The following SPRED2 variants were observed in gnomAD, a reference collection of about 807,000 sequenced individuals.
The protein encoded by SPRED2 is sprouty-related, EVH1 domain-containing protein 2.
A neutral mutation model predicts 43.0 loss-of-function variants in SPRED2; 47 were observed. The ratio of observed to expected loss-of-function variants is 1.09; its 90% confidence interval spans 0.87 to 1.40. The LOEUF (loss-of-function observed/expected upper bound fraction) is 1.40, where lower values mean the gene tolerates loss of function less well. Among genes scored for constraint, SPRED2 ranks in the 40% most tolerant of loss-of-function variants. The pLI is 0.00. For missense variants in SPRED2, 561 were observed against 586.4 expected (o/e 0.96, Z 0.45); for synonymous variants, 225 against 225.7 (o/e 1.00, Z 0.03).
intron 1 of SPRED2, among the ~76,000 whole-genome samples, chr2:65,364,306 A>C (rs538718826): frequency 6.6e-6 from 1 of 152,238 alleles, no homozygotes; most frequent in African/African-American, 2.4e-5. Context: ...TCAGATTTGA[A>C]ACACTTTTAA....
At chr2:65,358,276 GT>G (rs139850676) in intron 1 of SPRED2, among the ~76,000 whole-genome samples, 2,900 of 152,262 alleles carry the variant, frequency 0.019, 83 homozygotes, top group African/African-American at 0.066. Context: ...GTTTTAATAA[GT>G]TTAATAAGAT....
chr2:65,321,093 G>A (rs1022456771), intron 4 of SPRED2, among the ~76,000 whole-genome samples: 1 of 152,126 alleles, frequency 6.6e-6, no homozygotes, highest in African/African-American at 2.4e-5. Flanking sequence ...AACTGTTAGG[G>A]CTTTGAAGAA....
chr2:65,401,957 A>G (rs1249591666), intron 1 of SPRED2, among the ~76,000 whole-genome samples: 12 of 151,398 alleles, frequency 7.9e-5, no homozygotes, highest in Admixed American at 6.6e-4. Context: ...ACACACACAC[A>G]CACACACACA....
At chr2:65,338,639 G>C (rs997106053) in intron 2 of SPRED2, among the ~76,000 whole-genome samples, 1 of 151,388 alleles carries the variant, frequency 6.6e-6, no homozygotes, top group African/African-American at 2.4e-5. Context: ...GCGTGATCTC[G>C]GCTCGCTACG....
At chr2:65,420,374 AG>A (rs1353478800) in intron 1 of SPRED2, among the ~76,000 whole-genome samples, 4 of 152,164 alleles carry the variant, frequency 2.6e-5, no homozygotes, top group Admixed American at 6.5e-5. Context: ...GGGGAAACAA[AG>A]GGGCCTCTCA....
At chr2:65,392,656 C>T (rs1464419402) in intron 1 of SPRED2, among the ~76,000 whole-genome samples, 1 of 152,090 alleles carries the variant, frequency 6.6e-6, no homozygotes, top group Non-Finnish European at 1.5e-5. Context: ...GCCCATGGTA[C>T]AATGGAGTTG....
At chr2:65,364,827 T>C (rs1202268286) in intron 1 of SPRED2, among the ~76,000 whole-genome samples, 1 of 152,250 alleles carries the variant, frequency 6.6e-6, no homozygotes, top group Non-Finnish European at 1.5e-5. Context: ...GGAAATTAGT[T>C]ATTCTGTCTT....
At chr2:65,364,780 A>G (rs1332037167) in intron 1 of SPRED2, among the ~76,000 whole-genome samples, 1 of 152,218 alleles carries the variant, frequency 6.6e-6, no homozygotes, top group Middle Eastern at 3.2e-3. Flanking sequence ...GAAAAAAAAA[A>G]TGCTACCATG....
Position 65,339,105 on chromosome 2 carries a change from G to GC in SPRED2, c.205-4333_205-4332insG, listed in dbSNP as rs1461406474. 3.7e-4 allele frequency among the ~76,000 whole-genome samples: 39 copies of GC among 105,512 alleles called. 4 individuals are homozygous for GC. The highest frequency in any genetic ancestry group is 5.1e-3 in the Middle Eastern group (1 of 196). 69.2% of individuals were successfully genotyped at this position (105,512 alleles called of 152,430 possible). A position where few individuals can be genotyped will look rare whatever the true frequency, so the allele number is the denominator to read the frequency against. On this transcript the variant is annotated intron_variant, in intron 2 of 5. Coordinates refer to ENST00000356388, the MANE Select transcript of SPRED2 (RefSeq NM_181784.3). ...CCGTCCGGGAGGGAGGTTGGGCGGG[G>GC]GGTCAGCGCCCCCTCCCGGCCAGCC...
chr2:65,404,880 C>G (rs1276856490), intron 1 of SPRED2, among the ~76,000 whole-genome samples: 1 of 152,212 alleles, frequency 6.6e-6, no homozygotes, highest in African/African-American at 2.4e-5. Context: ...CCAACAACAG[C>G]ACACCCCTGG....
At chr2:65,363,705 C>G (rs552616338) in intron 1 of SPRED2, among the ~76,000 whole-genome samples, 1 of 152,326 alleles carries the variant, frequency 6.6e-6, no homozygotes, top group East Asian at 1.9e-4. Flanking sequence ...CACATCCGGA[C>G]AGCAAGGACA....
At chr2:65,376,816 G>A (rs978191199) in intron 1 of SPRED2, among the ~76,000 whole-genome samples, 2 of 152,122 alleles carry the variant, frequency 1.3e-5, no homozygotes, top group African/African-American at 4.8e-5. Context: ...CCGGGTTTAC[G>A]CCATTCTCCT....
chr2:65,318,686 A>AT (rs1673317913), intron 4 of SPRED2, among the ~76,000 whole-genome samples: 1 of 151,852 alleles, frequency 6.6e-6, no homozygotes, highest in African/African-American at 2.4e-5. Flanking sequence ...TTATTTATGT[A>AT]TTTGGGACAG....
intron 2 of SPRED2, among the ~76,000 whole-genome samples, chr2:65,342,496 G>T (rs1445122683): frequency 2.0e-5 from 3 of 150,490 alleles, no homozygotes; most frequent in African/African-American, 7.3e-5. Flanking sequence ...ATATATGTAT[G>T]TATATTTTAT....
In SPRED2 at chr2:65,321,690, A is replaced by C. The variant is rs1673418469; in HGVS notation, c.439-4807T>G. 2.0e-5 allele frequency among the ~76,000 whole-genome samples: 3 copies of C among 152,070 alleles called. No individual in the cohort carries two copies. In the South Asian group the frequency reaches 6.2e-4, roughly 31 times the overall value. The stretch of plus-strand genomic sequence containing the variant: ...ATGATTTTGGTCAAGTTAATCTCTA[A>C]CTCCAGTGTTTACATCTGTAAAATT... On this transcript the variant is annotated intron_variant, in intron 4 of 5. Transcript: ENST00000356388.
intron 1 of SPRED2, among the ~76,000 whole-genome samples, chr2:65,415,181 C>T (rs7608567): frequency 4.1e-4 from 62 of 152,184 alleles, no homozygotes; most frequent in African/African-American, 1.4e-3. Context: ...AGTACATTCA[C>T]GCTGTTGTGT....
intron 3 of SPRED2, among the ~76,000 whole-genome samples, chr2:65,332,617 C>A (rs1673845637): frequency 6.6e-6 from 1 of 152,194 alleles, no homozygotes; most frequent in African/African-American, 2.4e-5. Flanking sequence ...AAGGGGACAC[C>A]TGTGCAAGGG....
chr2:65,419,921 A>G (rs1572905409), intron 1 of SPRED2, among the ~76,000 whole-genome samples: 1 of 152,224 alleles, frequency 6.6e-6, no homozygotes, highest in East Asian at 1.9e-4. Flanking sequence ...GAAAAATGTG[A>G]CAGCCAGGCC....
At chr2:65,409,898 C>T (rs572548382) in intron 1 of SPRED2, among the ~76,000 whole-genome samples, 3 of 151,712 alleles carry the variant, frequency 2.0e-5, no homozygotes, top group Non-Finnish European at 2.9e-5. Flanking sequence ...GGTGTGGTGG[C>T]GCGTGCCTGT....
Sources: allele counts gnomAD v4.1 joint callset (sites outside exome capture counted in the v4.1 genomes callset), GRCh38; gene constraint gnomAD v4.1.1; transcripts MANE v1.5; gene names NCBI Gene and HGNC (gene_info 2026-07-23, HGNC 2026-07-21).